The following SLAMF6 variants were observed in gnomAD, a reference collection of about 807,000 sequenced individuals.
The protein encoded by SLAMF6 is SLAM family member 6.
In SLAMF6, 21 loss-of-function variants were observed where a neutral mutation model predicts 38.3. The ratio of observed to expected loss-of-function variants is 0.55; its 90% CI spans 0.39 to 0.79. The LOEUF (loss-of-function observed/expected upper bound fraction) is 0.79, where lower values mean the gene tolerates loss of function less well. Among genes scored for constraint, SLAMF6 ranks in the 30% least tolerant of loss-of-function variants. The probability of loss-of-function intolerance (pLI) is 0.00; values close to 1 mark genes in which losing one functional copy is unlikely to be tolerated. For synonymous variants in SLAMF6, 152 were observed against 146.3 expected (o/e 1.04, Z -0.28); for missense variants, 341 against 385.3 (o/e 0.89, Z 0.96).
intron 1 of SLAMF6, among the ~76,000 whole-genome samples, chr1:160,511,411 A>G (rs1456023812): frequency 1.3e-5 from 2 of 152,230 alleles, no homozygotes; most frequent in Non-Finnish European, 2.9e-5. Context: ...GTCCATAAAT[A>G]AACCCAAACA....
chr1:160,496,539 T>A (rs753341574), intron 1 of SLAMF6, 146 bp from the exon 2 acceptor site: 115 of 770,786 alleles, frequency 1.5e-4, no homozygotes, highest in Non-Finnish European at 2.2e-4. Context: ...GGGTAGGAGA[T>A]GTTTCTAAAT....
At chr1:160,517,636 A>G (rs1654806611) in intron 1 of SLAMF6, among the ~76,000 whole-genome samples, 1 of 152,242 alleles carries the variant, frequency 6.6e-6, no homozygotes, top group South Asian at 2.1e-4. Flanking sequence ...AGATAAAGAA[A>G]ATGTGGAACA....
chr1:160,501,626 T>C (rs574351869), intron 1 of SLAMF6, among the ~76,000 whole-genome samples: 149 of 151,938 alleles, frequency 9.8e-4, no homozygotes, highest in African/African-American at 3.5e-3. Context: ...GATGACACTG[T>C]AGCAAAGTCT....
intron 1 of SLAMF6, among the ~76,000 whole-genome samples, chr1:160,510,148 G>A (rs753975602): frequency 2.0e-5 from 3 of 152,036 alleles, no homozygotes; most frequent in African/African-American, 4.8e-5. Context: ...GGCTTCACTG[G>A]TAAATTCTAC....
chr1:160,506,987 G>T (rs985040876), intron 1 of SLAMF6, among the ~76,000 whole-genome samples: 1 of 152,058 alleles, frequency 6.6e-6, no homozygotes, highest in Admixed American at 6.6e-5. Context: ...AGGGGAAAAG[G>T]TTTAAGACAT....
intron 2 of SLAMF6, 29 bp downstream of exon 2, chr1:160,496,032 A>T: frequency 6.3e-7 from 1 of 1,582,580 alleles, no homozygotes; most frequent in Non-Finnish European, 8.6e-7. Context: ...TTCAGTCCAT[A>T]TGGAATTAAA....
At chr1:160,510,850 C>T (rs1308192776) in intron 1 of SLAMF6, among the ~76,000 whole-genome samples, 7 of 152,074 alleles carry the variant, frequency 4.6e-5, no homozygotes, top group African/African-American at 1.7e-4. Flanking sequence ...AAAGAATCCA[C>T]AAAAATGATC....
At chr1:160,497,270 A>G (rs941983457) in intron 1 of SLAMF6, among the ~76,000 whole-genome samples, 34 of 152,220 alleles carry the variant, frequency 2.2e-4, no homozygotes, top group African/African-American at 8.2e-4. Flanking sequence ...AATGGTCACA[A>G]TGATTCTTAA....
intron 1 of SLAMF6, among the ~76,000 whole-genome samples, chr1:160,512,623 G>A (rs1473108595): frequency 6.6e-6 from 1 of 152,166 alleles, no homozygotes; most frequent in Non-Finnish European, 1.5e-5. Flanking sequence ...TCAGTTTGGT[G>A]CCCCTCTTGG....
chr1:160,490,006 T>C (rs1571280716), intron 5 of SLAMF6, among the ~76,000 whole-genome samples, 192 bp downstream of exon 5: 1 of 151,958 alleles, frequency 6.6e-6, no homozygotes, highest in East Asian at 1.9e-4. Context: ...GAGTGACTGG[T>C]TCACATGCCT....
At chr1:160,516,865 T>G (rs543967506) in intron 1 of SLAMF6, among the ~76,000 whole-genome samples, 2 of 152,162 alleles carry the variant, frequency 1.3e-5, no homozygotes, top group Admixed American at 6.5e-5. Flanking sequence ...TAACTCAAGA[T>G]AGATTAAAGA....
intron 1 of SLAMF6, among the ~76,000 whole-genome samples, chr1:160,510,580 G>A (rs956606958): frequency 2.6e-5 from 4 of 151,924 alleles, no homozygotes; most frequent in Non-Finnish European, 5.9e-5. Context: ...AAATAGAAGG[G>A]AACTTCCTCA....
At chr1:160,515,063 C>A (rs1654671051) in intron 1 of SLAMF6, among the ~76,000 whole-genome samples, 1 of 151,958 alleles carries the variant, frequency 6.6e-6, no homozygotes, top group Non-Finnish European at 1.5e-5. Flanking sequence ...TCAAGGAGTC[C>A]AGAATCTGGT....
intron 1 of SLAMF6, among the ~76,000 whole-genome samples, chr1:160,510,225 A>G (rs1353548532): frequency 6.6e-6 from 1 of 152,144 alleles, no homozygotes; most frequent in Non-Finnish European, 1.5e-5. Flanking sequence ...AGAGGAGAAA[A>G]ACACTTCCTA....
intron 1 of SLAMF6, among the ~76,000 whole-genome samples, chr1:160,514,339 A>C (rs1400804022): frequency 6.6e-6 from 1 of 152,168 alleles, no homozygotes; most frequent in African/African-American, 2.4e-5. Flanking sequence ...ACCCAATACA[A>C]AAGCAGATTC....
intron 6 of SLAMF6, 96 bp downstream of exon 6, chr1:160,488,992 A>G (rs3795327): frequency 0.68 from 771,200 of 1,126,238 alleles, 266,314 homozygotes; most frequent in Middle Eastern, 0.74. Flanking sequence ...TCCTCCCCTC[A>G]GTGGTCATTT....
At chr1:160,501,100 G>A (rs1045117325) in intron 1 of SLAMF6, among the ~76,000 whole-genome samples, 1 of 152,172 alleles carries the variant, frequency 6.6e-6, no homozygotes, top group African/African-American at 2.4e-5. Context: ...TTGTTTGTTT[G>A]TTTATTCATT....
At position 160,486,588 on chromosome 1, in the gene SLAMF6, T is replaced by G. The variant is rs1652972293; in HGVS notation, c.*119A>C. On this transcript the variant is annotated 3_prime_UTR_variant, in exon 8 of 8. Transcript: ENST00000368057. ...CGAAGGACTGGAGGTGATCATCCTA[T>G]CCTAGATATTCAAATTCTGTTGCCA... 1 of 1,035,512 alleles carries G rather than the reference T, an allele frequency of 9.7e-7. No homozygotes were observed. Among genetic ancestry groups the G allele is most frequent in the African/African-American group, 1.6e-5 (1 of 63,156 alleles). The allele number at this position is 1,035,512 out of a possible 1,614,324, so 64.1% of individuals were successfully genotyped here.
chr1:160,489,951 C>T (rs1345283253), intron 5 of SLAMF6, among the ~76,000 whole-genome samples: 1 of 152,136 alleles, frequency 6.6e-6, no homozygotes, highest in African/African-American at 2.4e-5. Flanking sequence ...GTTTCTCCAT[C>T]AGCAGGGTGG....
Sources: gnomAD v4.1 joint callset for allele counts (sites outside exome capture counted in the v4.1 genomes callset) on GRCh38, gnomAD v4.1.1 for gene constraint, MANE v1.5 for transcripts, NCBI Gene and HGNC (gene_info 2026-07-23, HGNC 2026-07-21) for gene names.